Variants in CFAP54 observed in about 807,000 individuals in gnomAD.
The protein encoded by CFAP54 is cilia- and flagella-associated protein 54.
In CFAP54, 290 loss-of-function variants were observed where a neutral mutation model predicts 370.4. The observed-to-expected ratio is 0.78, with a 90% CI of 0.71 to 0.86. CFAP54 has a LOEUF of 0.86. CFAP54 is among the 40% of genes least tolerant of loss of function. The pLI, the probability that CFAP54 is intolerant of heterozygous loss-of-function variation, is 0.00. For synonymous variants in CFAP54, 1,206 were observed against 1,236.5 expected (o/e 0.98, Z 0.52); for missense variants, 3,399 against 3,528.7 (o/e 0.96, Z 0.93).
At position 96,581,108 on chromosome 12, in the gene CFAP54, A is replaced by G; in HGVS notation, c.3075+3A>G. On this transcript the variant is annotated splice_donor_region_variant and intron_variant, in intron 22 of 67. Coordinates refer to ENST00000524981, the MANE Select transcript of CFAP54 (RefSeq NM_001306084.2). The stretch of plus-strand genomic sequence containing the variant: ...CTGCTCGGATGTTCCTGACACAGGT[A>G]GAAAAGATTTCTGCTAATTTTTTCC... 1 of 1,438,146 alleles carries G rather than the reference A, an allele frequency of 7.0e-7. No homozygotes were observed. The highest frequency in any genetic ancestry group is 9.1e-7 in the Non-Finnish European group (1 of 1,096,198). The allele number at this position is 1,438,146 out of a possible 1,614,324, so 89.1% of individuals were successfully genotyped here. A position where few individuals can be genotyped will look rare whatever the true frequency, so the allele number is the denominator to read the frequency against.
At chr12:96,754,365 A>G (rs1346731628) in intron 56 of CFAP54, among the ~76,000 whole-genome samples, 1 of 152,190 alleles carries the variant, frequency 6.6e-6, no homozygotes, top group Non-Finnish European at 1.5e-5. Flanking sequence ...TTTCCTCAAG[A>G]CATTTATATA....
At chr12:96,825,704 TATTA>T (rs1257085387) in intron 65 of CFAP54, among the ~76,000 whole-genome samples, 6 of 124,694 alleles carry the variant, frequency 4.8e-5, no homozygotes, top group Admixed American at 1.8e-4. Context: ...ATATATTATA[TATTA>T]ATTAGATTAT....
chr12:96,874,973 C>T (rs1346178754), intron 67 of CFAP54, 145 bp from the exon 68 acceptor site: 1 of 152,114 alleles, frequency 6.6e-6, no homozygotes, highest in Non-Finnish European at 1.5e-5. Context: ...GCGTTAGTGA[C>T]TCCATTATGG....
chr12:96,679,939 C>T (rs532360940), intron 40 of CFAP54, among the ~76,000 whole-genome samples, 187 bp downstream of exon 40: 1 of 152,348 alleles, frequency 6.6e-6, no homozygotes, highest in African/African-American at 2.4e-5. Context: ...CTTTCTCACT[C>T]ACTCGCTTTT....
chr12:96,658,347 G>A lies in CFAP54; in HGVS notation c.5460+1G>A, dbSNP rs1253178269. 1 of 1,586,574 alleles carries A rather than the reference G, an allele frequency of 6.3e-7. No homozygotes were observed. The highest frequency in any genetic ancestry group is 1.3e-5 in the African/African-American group (1 of 74,134). ...GTATGAGGCTGAATATGGAGAGAAGGTAAGTTTAAGTTAGTTCTATTATTC... is the reference window on the plus strand; with the variant it reads ...GTATGAGGCTGAATATGGAGAGAAGATAAGTTTAAGTTAGTTCTATTATTC... On this transcript the variant is annotated splice_donor_variant, in intron 38 of 67. Transcript: ENST00000524981. LOFTEE classifies it high-confidence loss of function.
At chr12:96,612,440 A>C (rs1215884899) in intron 26 of CFAP54, among the ~76,000 whole-genome samples, 1 of 152,210 alleles carries the variant, frequency 6.6e-6, no homozygotes, top group African/African-American at 2.4e-5. Context: ...AAACATGCCA[A>C]ATTGTAAAGA....
At position 96,520,759 on chromosome 12, in the gene CFAP54, C is replaced by A. The variant is rs73235058; in HGVS notation, c.943-1098C>A. The stretch of plus-strand genomic sequence containing the variant: ...AAGCTGGATTTCTGCTCTAGTCAAC[C>A]TCTTTGGCTGGAAGTCTTGTGTAGG... On this transcript the variant is annotated intron_variant, in intron 6 of 67. Coordinates refer to ENST00000524981, the MANE Select transcript of CFAP54 (RefSeq NM_001306084.2). Among the ~76,000 whole-genome samples the A allele has an allele frequency of 2.6e-5, 4 of 152,332 alleles. No homozygotes were observed. The South Asian group carries it at 8.3e-4, about 32-fold the overall frequency.
At chr12:96,750,827 TAAA>T (rs891118445) in intron 55 of CFAP54, among the ~76,000 whole-genome samples, 6 of 152,310 alleles carry the variant, frequency 3.9e-5, no homozygotes, top group African/African-American at 1.4e-4. Flanking sequence ...AACACAGACT[TAAA>T]AAACAAAACC....
intron 63 of CFAP54, among the ~76,000 whole-genome samples, chr12:96,808,604 G>A (rs1200759123): frequency 1.3e-5 from 2 of 152,160 alleles, no homozygotes; most frequent in Non-Finnish European, 2.9e-5. Flanking sequence ...GTGGTCTCAA[G>A]CTGCTCTCTT....
chr12:96,771,256 T>C (rs897025131), intron 60 of CFAP54, among the ~76,000 whole-genome samples: 13 of 152,220 alleles, frequency 8.5e-5, no homozygotes, highest in Admixed American at 4.6e-4. Context: ...GCTAACTATA[T>C]AAATGGGGAT....
intron 55 of CFAP54, among the ~76,000 whole-genome samples, chr12:96,746,461 A>G (rs191618366): frequency 3.9e-5 from 6 of 152,266 alleles, no homozygotes; most frequent in African/African-American, 1.4e-4. Context: ...TCCAATATGT[A>G]GTTTTCAGAC....
rs1456982727 is a variant in CFAP54, at chr12:96,875,223, T to C, written c.*120T>C. On this transcript the variant is annotated 3_prime_UTR_variant, in exon 68 of 68. Coordinates refer to ENST00000524981, the MANE Select transcript of CFAP54 (RefSeq NM_001306084.2). ...ATTTGGTGAGAAGAAGTAGTCATGA[T>C]TCAATGTCTTGCTTGCACAGAAGCC... The C allele has an allele frequency of 6.6e-6, 1 of 152,244 alleles. No individual in the cohort carries two copies. Among genetic ancestry groups the C allele is most frequent in the African/African-American group, 2.4e-5 (1 of 41,446 alleles). 9.4% of individuals were successfully genotyped at this position (152,244 alleles called of 1,614,324 possible). A position where few individuals can be genotyped will look rare whatever the true frequency, so the allele number is the denominator to read the frequency against.
chr12:96,755,089 G>A (rs1334155989), intron 56 of CFAP54, among the ~76,000 whole-genome samples: 2 of 152,138 alleles, frequency 1.3e-5, no homozygotes, highest in Non-Finnish European at 2.9e-5. Context: ...TGAGGGCTGG[G>A]AGCTGTGAGG....
At chr12:96,547,806 C>A in intron 14 of CFAP54, 96 bp from the exon 15 acceptor site, 3 of 506,522 alleles carry the variant, frequency 5.9e-6, no homozygotes, top group Admixed American at 3.9e-5. Flanking sequence ...CACTCTTGCC[C>A]TGTCCTCTTC....
chr12:96,492,023 T>C (rs1032553308), intron 1 of CFAP54, among the ~76,000 whole-genome samples: 1 of 152,102 alleles, frequency 6.6e-6, no homozygotes, highest in Non-Finnish European at 1.5e-5. Flanking sequence ...GCCTCCAAGA[T>C]TGCTGAGGTT....
intron 67 of CFAP54, among the ~76,000 whole-genome samples, chr12:96,867,941 A>C (rs1450092475): frequency 6.6e-6 from 1 of 152,176 alleles, no homozygotes; most frequent in Non-Finnish European, 1.5e-5. Context: ...TGCATATATT[A>C]ATTGTCTCGA....
At chr12:96,561,234 A>C (rs28960374) in intron 17 of CFAP54, among the ~76,000 whole-genome samples, 1 of 152,120 alleles carries the variant, frequency 6.6e-6, no homozygotes, top group Non-Finnish European at 1.5e-5. Flanking sequence ...AGTCTTTCCC[A>C]TGCCGTTCTC....
At chr12:96,838,551 GA>G (rs1959193750) in intron 66 of CFAP54, among the ~76,000 whole-genome samples, 1 of 151,756 alleles carries the variant, frequency 6.6e-6, no homozygotes, top group East Asian at 1.9e-4. Context: ...GAGAGAGAGA[GA>G]AAAAAAAGTG....
At chr12:96,732,735 G>A (rs958853520) in intron 50 of CFAP54, among the ~76,000 whole-genome samples, 1 of 152,174 alleles carries the variant, frequency 6.6e-6, no homozygotes, top group Non-Finnish European at 1.5e-5. Flanking sequence ...ATTGTCATAT[G>A]TATAGCTATC....
Sources: allele counts gnomAD v4.1 joint callset (sites outside exome capture counted in the v4.1 genomes callset), GRCh38; gene constraint gnomAD v4.1.1; transcripts MANE v1.5; gene names NCBI Gene and HGNC (gene_info 2026-07-23, HGNC 2026-07-21).